COL4A2: variants seen among roughly 807,000 people sequenced by gnomAD.
The protein encoded by COL4A2 is collagen alpha-2(IV) chain.
A neutral mutation model predicts 200.2 loss-of-function variants in COL4A2; 99 were observed. The ratio of observed to expected loss-of-function variants is 0.49; its 90% CI spans 0.42 to 0.58. COL4A2 has a LOEUF of 0.58. COL4A2 is among the 20% of genes least tolerant of loss of function. The pLI is 0.00. For synonymous variants in COL4A2, 897 were observed against 900.6 expected, an observed-to-expected ratio of 1.00 and a Z score of 0.07; for missense variants, 1,950 against 2,314.1, an observed-to-expected ratio of 0.84 and a Z score of 3.23.
intron 3 of COL4A2, among the ~76,000 whole-genome samples, chr13:110,337,637 T>C (rs1356509423): frequency 2.6e-5 from 4 of 152,184 alleles, no homozygotes; most frequent in South Asian, 4.1e-4. Flanking sequence ...TGTTCCCCCT[T>C]AGCCACACCC....
intron 4 of COL4A2, among the ~76,000 whole-genome samples, chr13:110,367,341 C>T (rs1178272075): frequency 2.6e-5 from 4 of 152,204 alleles, no homozygotes; most frequent in Non-Finnish European, 4.4e-5. Context: ...TGTCAGCATC[C>T]GTGTTTTCTA....
intron 29 of COL4A2, 59 bp downstream of exon 29, chr13:110,473,209 G>A (rs1882549130): frequency 6.7e-7 from 1 of 1,493,716 alleles, no homozygotes; most frequent in Admixed American, 2.0e-5. Flanking sequence ...GCCTCCAAGG[G>A]CGACCCCAAT....
chr13:110,317,068 A>G (rs1401060392), intron 3 of COL4A2, among the ~76,000 whole-genome samples: 1 of 151,858 alleles, frequency 6.6e-6, no homozygotes, highest in East Asian at 1.9e-4. Context: ...AGGCACACGT[A>G]GACACACACA....
At chr13:110,367,784 C>CA (rs1214300911) in intron 4 of COL4A2, among the ~76,000 whole-genome samples, 1 of 152,214 alleles carries the variant, frequency 6.6e-6, no homozygotes, top group Non-Finnish European at 1.5e-5. Flanking sequence ...TTGCTTTTAG[C>CA]ATACTGCTCA....
rs58293364 is a variant in COL4A2, at chr13:110,414,249, G to A, written c.181-10485G>A. 8.9e-3 allele frequency among the ~76,000 whole-genome samples: 1,357 copies of A among 152,320 alleles called. 21 individuals carry two copies. Among genetic ancestry groups the A allele is most frequent in the East Asian group, 0.019 (101 of 5,186 alleles). On this transcript the variant is annotated intron_variant, in intron 4 of 47. Coordinates refer to ENST00000360467, the MANE Select transcript of COL4A2 (RefSeq NM_001846.4). ...GCATGATGCTGGGGCGTTCACACTC[G>A]TGTGAGACATGCCTCTCTCAAACCT...
chr13:110,359,620 A>T (rs1877432465), intron 4 of COL4A2, among the ~76,000 whole-genome samples: 1 of 152,172 alleles, frequency 6.6e-6, no homozygotes, highest in African/African-American at 2.4e-5. Context: ...TACCGTAGCC[A>T]TTTCCCATCC....
intron 3 of COL4A2, among the ~76,000 whole-genome samples, chr13:110,342,092 G>T (rs1485454994): frequency 6.6e-6 from 1 of 152,126 alleles, no homozygotes; most frequent in South Asian, 2.1e-4. Context: ...GGTTGACCTC[G>T]GGTACAAGAT....
At chr13:110,469,008 T>G (rs1882358684) in intron 27 of COL4A2, among the ~76,000 whole-genome samples, 1 of 152,206 alleles carries the variant, frequency 6.6e-6, no homozygotes, top group African/African-American at 2.4e-5. Flanking sequence ...TATTGGATAT[T>G]ATCATTCTTA....
At chr13:110,409,312 G>A (rs1879738582) in intron 4 of COL4A2, among the ~76,000 whole-genome samples, 2 of 152,196 alleles carry the variant, frequency 1.3e-5, no homozygotes. Context: ...GCTGTGACGG[G>A]TAAATCGCAA....
intron 3 of COL4A2, among the ~76,000 whole-genome samples, chr13:110,332,314 G>A (rs927835590): frequency 1.3e-5 from 2 of 152,114 alleles, no homozygotes; most frequent in African/African-American, 2.4e-5. Flanking sequence ...AAAACCGCGG[G>A]ATCTCCAAAA....
At chr13:110,447,036 T>C (rs1441974836) in intron 18 of COL4A2, among the ~76,000 whole-genome samples, 172 bp downstream of exon 18, 2 of 152,232 alleles carry the variant, frequency 1.3e-5, no homozygotes, top group Non-Finnish European at 2.9e-5. Flanking sequence ...CATAACTTCA[T>C]GTACAATTTC....
chr13:110,315,219 G>T (rs949283621), intron 3 of COL4A2, among the ~76,000 whole-genome samples: 1 of 152,200 alleles, frequency 6.6e-6, no homozygotes, highest in Non-Finnish European at 1.5e-5. Context: ...TCACACACCT[G>T]CACATGGCTG....
At chr13:110,403,647 C>T (rs962558607) in intron 4 of COL4A2, among the ~76,000 whole-genome samples, 1 of 152,166 alleles carries the variant, frequency 6.6e-6, no homozygotes, top group Non-Finnish European at 1.5e-5. Flanking sequence ...CAGAATCACC[C>T]TTAAGGTTCT....
chr13:110,484,987 T>C lies in COL4A2; in HGVS notation c.2985T>C (p.Asp995=). The C allele has an allele frequency of 6.2e-7, 1 of 1,612,628 alleles. No individual in the cohort carries two copies. The highest frequency in any genetic ancestry group is 8.5e-7 in the Non-Finnish European group (1 of 1,178,932). ...GMKDIKGEKG[D]EGPMGLKGYL... is the part of the protein sequence containing the mutation. ...AAGACATTAAAGGAGAGAAAGGAGA[T>C]GAAGGGCCTATGGGGCTGAAAGGAT... Residue 995 remains aspartate, a synonymous_variant, in exon 33 of 48, where the codon GAT becomes GAC. Coordinates refer to ENST00000360467, the MANE Select transcript of COL4A2 (RefSeq NM_001846.4).
At chr13:110,386,021 C>T (rs1339713206) in intron 4 of COL4A2, among the ~76,000 whole-genome samples, 1 of 148,706 alleles carries the variant, frequency 6.7e-6, no homozygotes, top group Admixed American at 6.6e-5. Flanking sequence ...GTGGATGGGC[C>T]GTGGTTACAG....
In COL4A2 at chr13:110,508,171, C is replaced by T; in HGVS notation, c.4831C>T (p.His1611Tyr). 6.2e-7 allele frequency: 1 copy of T among 1,614,278 alleles called. No homozygotes were observed. The highest frequency in any genetic ancestry group is 8.5e-7 in the Non-Finnish European group (1 of 1,180,048). The stretch of plus-strand genomic sequence containing the variant: ...CCACAGTCAGGATGTCTCCATCCCA[C>T]ACTGCCCAGCTGGGTGGCGGAGTTT... ...AVHSQDVSIP[H>Y]CPAGWRSLWI... The change falls in exon 47 of 48, where the codon CAC becomes TAC. Residue 1611 changes from histidine (H) to tyrosine (Y), a missense_variant. His to Tyr is a moderately conservative substitution (Grantham distance 83). Coordinates refer to ENST00000360467, the MANE Select transcript of COL4A2 (RefSeq NM_001846.4). The surrounding 1 kb of genome is among the most constrained non-coding windows in gnomAD (Gnocchi z 6.1).
intron 25 of COL4A2, 71 bp downstream of exon 25, chr13:110,465,677 C>T: frequency 4.5e-6 from 6 of 1,342,794 alleles, no homozygotes; most frequent in Admixed American, 2.3e-5. Context: ...TCAGTGTAGA[C>T]GTTTCCCAGT....
chr13:110,422,137 C>T (rs887742876), intron 4 of COL4A2, among the ~76,000 whole-genome samples: 4 of 152,124 alleles, frequency 2.6e-5, no homozygotes, highest in Admixed American at 6.5e-5. Flanking sequence ...AGAAGACAGC[C>T]GGCAGACACT....
At chr13:110,500,677 G>C (rs1883607048) in intron 40 of COL4A2, among the ~76,000 whole-genome samples, 1 of 152,184 alleles carries the variant, frequency 6.6e-6, no homozygotes, top group African/African-American at 2.4e-5. Context: ...GCTCCTAGGG[G>C]AAATACAAGG....
Sources: allele counts gnomAD v4.1 joint callset (sites outside exome capture counted in the v4.1 genomes callset), GRCh38; gene constraint gnomAD v4.1.1; non-coding constraint Gnocchi (gnomAD v3.1); transcripts MANE v1.5; gene names NCBI Gene and HGNC (gene_info 2026-07-23, HGNC 2026-07-21).